SNTG1: variants seen among roughly 807,000 people sequenced by gnomAD.
SNTG1 encodes syntrophin gamma 1.
SNTG1 carries 39 observed loss-of-function variants against 74.7 expected under a neutral mutation model. The ratio of observed to expected loss-of-function variants is 0.52; its 90% CI spans 0.40 to 0.68. The LOEUF is 0.68. Among genes scored for constraint, SNTG1 ranks in the 30% least tolerant of loss-of-function variants. SNTG1 has a pLI of 0.00. For synonymous variants in SNTG1, 254 were observed against 217.1 expected (o/e 1.17, Z -1.49); for missense variants, 685 against 609.5 (o/e 1.12, Z -1.30).
chr8:50,408,892 C>A (rs777426099), intron 4 of SNTG1, among the ~76,000 whole-genome samples: 27 of 152,162 alleles, frequency 1.8e-4, no homozygotes, highest in East Asian at 5.8e-4. Context: ...GCAAAGGGAC[C>A]CCTGGGAAAA....
chr8:50,690,749 A>T (rs1340539964), intron 15 of SNTG1, among the ~76,000 whole-genome samples: 1 of 152,170 alleles, frequency 6.6e-6, no homozygotes, highest in African/African-American at 2.4e-5. Context: ...CAAGTTCTGC[A>T]GATGTCTATT....
chr8:49,926,382 G>T (rs188751987), intron 1 of SNTG1, among the ~76,000 whole-genome samples: 1 of 152,018 alleles, frequency 6.6e-6, no homozygotes. Flanking sequence ...AAAAACTGGA[G>T]CATATATTGT....
intron 2 of SNTG1, among the ~76,000 whole-genome samples, chr8:50,353,649 T>A (rs1044058404): frequency 3.3e-5 from 5 of 152,178 alleles, no homozygotes; most frequent in African/African-American, 1.2e-4. Context: ...TTATTTGAGC[T>A]ACGTTGAGCC....
At chr8:50,649,718 C>T (rs535785596) in intron 13 of SNTG1, among the ~76,000 whole-genome samples, 5 of 152,242 alleles carry the variant, frequency 3.3e-5, no homozygotes, top group African/African-American at 1.2e-4. Context: ...TTTCTGAAAG[C>T]CTCATTAATG....
intron 8 of SNTG1, among the ~76,000 whole-genome samples, chr8:50,481,724 A>G (rs756806510): frequency 7.9e-5 from 12 of 152,242 alleles, no homozygotes; most frequent in Non-Finnish European, 1.5e-4. Context: ...GAATAAAGTT[A>G]TGTACTTCTA....
Position 50,795,820 on chromosome 8 carries a change from T to C in SNTG1, c.*2991T>C, listed in dbSNP as rs911240424. The C allele has an allele frequency of 6.6e-6, 1 of 152,078 alleles. No homozygotes were observed. The highest frequency in any genetic ancestry group is 2.4e-5 in the African/African-American group (1 of 41,438). 9.4% of individuals were successfully genotyped at this position (152,078 alleles called of 1,614,324 possible). A position where few individuals can be genotyped will look rare whatever the true frequency, so the allele number is the denominator to read the frequency against. On this transcript the variant is annotated 3_prime_UTR_variant, in exon 19 of 19. Coordinates refer to ENST00000642720, the MANE Select transcript of SNTG1 (RefSeq NM_018967.5). Reference sequence around the variant, plus strand: ...ATGCAACAAGTATTTATTTAAAAAATAGTTTAATAGATAGTGTAAGTGTAA... The same window carrying C: ...ATGCAACAAGTATTTATTTAAAAAACAGTTTAATAGATAGTGTAAGTGTAA...
chr8:50,681,260 T>A (rs2095329765), intron 15 of SNTG1, among the ~76,000 whole-genome samples: 1 of 152,152 alleles, frequency 6.6e-6, no homozygotes, highest in Admixed American at 6.5e-5. Flanking sequence ...AAATATTAAC[T>A]AATACATTGA....
chr8:50,318,480 G>A (rs1170408165), intron 2 of SNTG1, among the ~76,000 whole-genome samples: 1 of 152,126 alleles, frequency 6.6e-6, no homozygotes, highest in East Asian at 1.9e-4. Context: ...GATAATGCCT[G>A]ATTCATTGCC....
intron 15 of SNTG1, among the ~76,000 whole-genome samples, 184 bp downstream of exon 15, chr8:50,658,847 A>C (rs1046408867): frequency 2.0e-5 from 3 of 152,226 alleles, no homozygotes; most frequent in Admixed American, 6.5e-5. Context: ...ACAGAAGTGC[A>C]CTGGCACTCA....
intron 1 of SNTG1, among the ~76,000 whole-genome samples, chr8:50,031,413 G>C (rs1366298051): frequency 6.6e-6 from 1 of 151,896 alleles, no homozygotes; most frequent in Non-Finnish European, 1.5e-5. Context: ...TCCTTGCCTT[G>C]GTCTAAAGCT....
intron 4 of SNTG1, among the ~76,000 whole-genome samples, chr8:50,432,995 G>A (rs551353599): frequency 1.4e-4 from 22 of 151,990 alleles, no homozygotes; most frequent in South Asian, 4.2e-4. Flanking sequence ...TCACCATGTC[G>A]GCCAGGCTGG....
intron 1 of SNTG1, among the ~76,000 whole-genome samples, chr8:50,111,083 C>A (rs769645991): frequency 2.0e-5 from 3 of 152,084 alleles, no homozygotes; most frequent in Non-Finnish European, 2.9e-5. Flanking sequence ...TTATGATTAT[C>A]CAGATCCCAG....
intron 8 of SNTG1, among the ~76,000 whole-genome samples, chr8:50,452,885 C>A (rs542916282): frequency 1.1e-4 from 17 of 152,098 alleles, no homozygotes; most frequent in Non-Finnish European, 1.5e-4. Context: ...AATAATCAAC[C>A]TACAAGGGCA....
In SNTG1 at chr8:50,402,342, G is replaced by T; in HGVS notation, c.160G>T (p.Gly54Cys). Reference protein sequence around the residue: ...ICVSGEPFYSGERTVTIRRQT... With the variant: ...ICVSGEPFYSCERTVTIRRQT... The stretch of plus-strand genomic sequence containing the variant: ...TGTGTCTGGTGAGCCTTTCTATTCT[G>T]GTGTAAGTAGCTTTTTCTTCTGTTG... The change falls in exon 4 of 19, where the codon GGT (glycine) becomes TGT (cysteine). Residue 54 changes from glycine (G) to cysteine (C), a missense_variant and splice_region_variant. By Grantham distance (159) the Gly-to-Cys change is radical. Transcript: ENST00000642720. 2 of 1,576,986 alleles carry T rather than the reference G, an allele frequency of 1.3e-6. No homozygotes were observed. The highest frequency in any genetic ancestry group is 2.1e-5 in the Admixed American group (1 of 48,128).
chr8:49,930,534 A>G (rs1471299560), intron 1 of SNTG1, among the ~76,000 whole-genome samples: 1 of 151,514 alleles, frequency 6.6e-6, no homozygotes, highest in Non-Finnish European at 1.5e-5. Flanking sequence ...TGTGTGTAGC[A>G]TATGTACATA....
chr8:50,499,817 A>G (rs2093935965), intron 8 of SNTG1, among the ~76,000 whole-genome samples: 1 of 151,978 alleles, frequency 6.6e-6, no homozygotes, highest in African/African-American at 2.4e-5. Context: ...ACACCAGTTG[A>G]TCTTCTAATG....
intron 15 of SNTG1, among the ~76,000 whole-genome samples, chr8:50,683,431 AGAT>A (rs2095339154): frequency 6.6e-6 from 1 of 152,152 alleles, no homozygotes; most frequent in Non-Finnish European, 1.5e-5. Context: ...GCCAGGCCAA[AGAT>A]GATATCATCC....
intron 1 of SNTG1, among the ~76,000 whole-genome samples, chr8:50,052,874 T>C (rs186276034): frequency 5.5e-4 from 84 of 152,312 alleles, no homozygotes; most frequent in Non-Finnish European, 7.1e-4. Context: ...TATCACTTTA[T>C]GTCCACTAGG....
At chr8:49,940,981 G>A (rs979539642) in intron 1 of SNTG1, among the ~76,000 whole-genome samples, 1 of 152,102 alleles carries the variant, frequency 6.6e-6, no homozygotes, top group South Asian at 2.1e-4. Context: ...AACGTTTAAG[G>A]CACTGTTGGA....
Sources: gnomAD v4.1 joint callset for allele counts (sites outside exome capture counted in the v4.1 genomes callset) on GRCh38, gnomAD v4.1.1 for gene constraint, MANE v1.5 for transcripts, NCBI Gene and HGNC (gene_info 2026-07-23, HGNC 2026-07-21) for gene names.